RORA: variants seen among roughly 807,000 people sequenced by gnomAD.
The protein encoded by RORA is RAR related orphan receptor A.
In RORA, 7 loss-of-function variants were observed where a neutral mutation model predicts 69.5. The observed-to-expected ratio is 0.10, with a 90% CI of 0.06 to 0.19. The LOEUF is 0.19. RORA is among the 10% of genes least tolerant of loss of function. The pLI, the probability that RORA is intolerant of heterozygous loss-of-function variation, is 1.00. For synonymous variants in RORA, 261 were observed against 240.8 expected (o/e 1.08, Z -0.78); for missense variants, 457 against 663.0 (o/e 0.69, Z 3.41).
At chr15:60,593,163 C>T (rs2068589752) in intron 2 of RORA, 1 of 302,240 alleles carries the variant, frequency 3.3e-6, no homozygotes, top group African/African-American at 2.3e-5. Flanking sequence ...CCACCCAACC[C>T]TTGGCAACCC....
At chr15:61,200,339 C>G (rs1175106928) in intron 1 of RORA, among the ~76,000 whole-genome samples, 1 of 152,104 alleles carries the variant, frequency 6.6e-6, no homozygotes, top group Non-Finnish European at 1.5e-5. Flanking sequence ...TGTTGAGAGG[C>G]CATCCAGGGC....
intron 1 of RORA, among the ~76,000 whole-genome samples, chr15:61,113,838 G>A (rs547670725): frequency 3.3e-5 from 5 of 152,322 alleles, no homozygotes; most frequent in South Asian, 4.1e-4. Flanking sequence ...TAAAATCAAC[G>A]TCCTTGTTAT....
intron 1 of RORA, among the ~76,000 whole-genome samples, chr15:61,170,478 C>T (rs186513404): frequency 1.3e-5 from 2 of 152,308 alleles, no homozygotes; most frequent in Admixed American, 6.5e-5. Context: ...ACACTGAGCT[C>T]GCCTAGTTAA....
At chr15:60,696,096 A>T (rs73426267) in intron 1 of RORA, among the ~76,000 whole-genome samples, 16,073 of 152,252 alleles carry the variant, frequency 0.11, 1,052 homozygotes, top group African/African-American at 0.19. Context: ...TTTCACAATG[A>T]CAGTAAAATC....
intron 1 of RORA, among the ~76,000 whole-genome samples, chr15:61,179,804 C>A (rs759879711): frequency 3.3e-5 from 5 of 152,090 alleles, no homozygotes; most frequent in Non-Finnish European, 7.4e-5. Context: ...GTCCTCCACA[C>A]CTGCTTACAC....
intron 1 of RORA, among the ~76,000 whole-genome samples, chr15:60,807,109 A>G (rs1371287248): frequency 6.6e-6 from 1 of 152,218 alleles, no homozygotes; most frequent in African/African-American, 2.4e-5. Context: ...ATCGGTAAAG[A>G]GGAAGTCAAA....
chr15:60,906,341 A>C (rs895774232), intron 1 of RORA, among the ~76,000 whole-genome samples: 2 of 152,204 alleles, frequency 1.3e-5, no homozygotes, highest in African/African-American at 4.8e-5. Flanking sequence ...GGGCTGAGCT[A>C]GTGAATTATC....
chr15:60,502,840 A>G lies in RORA; in HGVS notation c.1103T>C (p.Met368Thr), dbSNP rs764124072. 1.9e-6 allele frequency: 3 copies of G among 1,613,864 alleles called. No homozygotes were observed. ...GTTCTGAGAGTCAAAGGCACGGCAC[A>G]TTCTGATAAACACCACCTCTAGAGA... ...AGSLEVVFIR[M>T]CRAFDSQNNT... is the part of the protein sequence containing the mutation. Residue 368 changes from methionine to threonine, a missense_variant, in exon 8 of 11, where the codon ATG (methionine) becomes ACG (threonine). Physicochemically the swap from Met to Thr is moderately conservative, Grantham distance 81. Around this residue, in one of 3 missense-constraint regions of RORA, gnomAD observed 304 missense variants for 447.4 expected, o/e 0.68. Transcript: ENST00000335670.
chr15:61,044,137 C>T (rs1046127013), intron 1 of RORA, among the ~76,000 whole-genome samples: 5 of 152,068 alleles, frequency 3.3e-5, no homozygotes, highest in Admixed American at 1.3e-4. Flanking sequence ...TACCCCAAAG[C>T]AATTAGCTTC....
chr15:60,894,044 C>A (rs1274718284), intron 1 of RORA, among the ~76,000 whole-genome samples: 1 of 152,118 alleles, frequency 6.6e-6, no homozygotes, highest in Non-Finnish European at 1.5e-5. Flanking sequence ...ACCCCATGGC[C>A]ACCCCCAGAC....
At chr15:60,740,573 T>C (rs755911892) in intron 1 of RORA, among the ~76,000 whole-genome samples, 10 of 152,034 alleles carry the variant, frequency 6.6e-5, no homozygotes, top group Non-Finnish European at 1.5e-4. Flanking sequence ...CCTTCGAGAG[T>C]GTGCATGCCA....
rs574393912 is a variant in RORA, at chr15:61,171,772, T to A, written c.166+57281A>T. 5.3e-5 allele frequency among the ~76,000 whole-genome samples: 8 copies of A among 152,326 alleles called. No homozygotes were observed. The East Asian group carries it at 1.5e-3, about 29-fold the overall frequency. ...AGGCCTGGGTCATCTGTCCTCCCTG[T>A]ATCTTCAGCTCAGCCAAACAATAAA... On this transcript the variant is annotated intron_variant, in intron 1 of 10. Transcript: ENST00000335670.
At chr15:60,645,573 T>G (rs58991569) in intron 2 of RORA, among the ~76,000 whole-genome samples, 4,608 of 152,126 alleles carry the variant, frequency 0.03, 122 homozygotes, top group African/African-American at 0.073. Context: ...TGTATTTTTT[T>G]GTAAAGACGG....
chr15:60,606,964 A>G (rs2068959989), intron 2 of RORA, among the ~76,000 whole-genome samples: 1 of 152,324 alleles, frequency 6.6e-6, no homozygotes. Flanking sequence ...CATCCCTTTG[A>G]TATTTACTCC....
At chr15:61,192,007 C>G (rs2079804638) in intron 1 of RORA, among the ~76,000 whole-genome samples, 1 of 152,198 alleles carries the variant, frequency 6.6e-6, no homozygotes, top group Non-Finnish European at 1.5e-5. Flanking sequence ...GCACAAGGTA[C>G]TTGGGTTGAC....
intron 1 of RORA, among the ~76,000 whole-genome samples, chr15:61,150,932 T>C (rs2079392205): frequency 6.6e-6 from 1 of 152,198 alleles, no homozygotes; most frequent in African/African-American, 2.4e-5. Flanking sequence ...ACTATGCATA[T>C]CTGCAGAGCT....
At chr15:60,748,602 A>G (rs2071681474) in intron 1 of RORA, among the ~76,000 whole-genome samples, 1 of 152,292 alleles carries the variant, frequency 6.6e-6, no homozygotes, top group South Asian at 2.1e-4. Flanking sequence ...CTTATGACCA[A>G]CACAGCTCCT....
rs1386192807 is a variant in RORA at position 60,508,319 on chromosome 15, A to C, written c.821-2690T>G. ...TCAGCAATACAGCCAGCGCCTCGAT[A>C]CTTCAGATGGGAAGTCCTCGCTTCT... On this transcript the variant is annotated intron_variant, in intron 5 of 10. Coordinates refer to ENST00000335670, the MANE Select transcript of RORA (RefSeq NM_134261.3). Among the ~76,000 whole-genome samples, 5 of 152,202 alleles carry C rather than the reference A, an allele frequency of 3.3e-5. No homozygotes were observed. The East Asian group carries it at 5.8e-4, about 18-fold the overall frequency.
intron 1 of RORA, among the ~76,000 whole-genome samples, chr15:61,132,371 A>G (rs934105387): frequency 6.6e-6 from 1 of 152,222 alleles, no homozygotes; most frequent in Non-Finnish European, 1.5e-5. Flanking sequence ...AGTGTCTTAC[A>G]GCTCGATTGT....
Sources: allele counts gnomAD v4.1 joint callset (sites outside exome capture counted in the v4.1 genomes callset), GRCh38; gene constraint gnomAD v4.1.1; regional missense constraint gnomAD v4.1.1; transcripts MANE v1.5; gene names NCBI Gene and HGNC (gene_info 2026-07-23, HGNC 2026-07-21).